Variants in KIF6 observed in about 807,000 individuals in gnomAD.
KIF6 encodes the protein kinesin family member 6, also known as kinesin-like protein KIF6.
KIF6 carries 106 observed loss-of-function variants against 112.7 expected under a neutral mutation model. That is an observed-to-expected ratio of 0.94 (90% CI 0.80 to 1.11). The LOEUF (loss-of-function observed/expected upper bound fraction) is 1.11, where lower values mean the gene tolerates loss of function less well. KIF6 is among the 50% of genes least tolerant of loss of function. KIF6 has a pLI of 0.00. For synonymous variants in KIF6, 339 were observed against 339.9 expected (o/e 1.00, Z 0.03); for missense variants, 929 against 964.0 (o/e 0.96, Z 0.48).
chr6:39,720,883 G>T, intron 1 of KIF6, 72 bp from the exon 2 acceptor site: 1 of 702,430 alleles, frequency 1.4e-6, no homozygotes. Flanking sequence ...ATGTTATTAT[G>T]ACTTGTAATG....
At chr6:39,595,021 C>T (rs942028303) in intron 7 of KIF6, among the ~76,000 whole-genome samples, 6 of 152,036 alleles carry the variant, frequency 3.9e-5, no homozygotes, top group African/African-American at 1.4e-4. Flanking sequence ...AATGTTCTCT[C>T]CCCTGGCATT....
chr6:39,714,010 G>C (rs1296121719), intron 3 of KIF6, among the ~76,000 whole-genome samples: 1 of 152,208 alleles, frequency 6.6e-6, no homozygotes, highest in African/African-American at 2.4e-5. Flanking sequence ...GCATCATCCA[G>C]ATGATTTCAG....
rs572739592 is a variant in KIF6 at position 39,697,242 on chromosome 6, C to T, written c.251+17450G>A. ...TGAGGAAGCCAAGGTAATCAGAGTG[C>T]TCCATGCCTCTAGTGACAGTGATTG... On this transcript the variant is annotated intron_variant, in intron 3 of 22. Coordinates refer to ENST00000287152, the MANE Select transcript of KIF6 (RefSeq NM_145027.6). 5.3e-5 allele frequency among the ~76,000 whole-genome samples: 8 copies of T among 152,254 alleles called. 1 individual carries two copies. In the South Asian group the frequency reaches 1.7e-3, roughly 32 times the overall value.
chr6:39,574,970 C>A (rs1780859049), intron 10 of KIF6, among the ~76,000 whole-genome samples: 1 of 152,058 alleles, frequency 6.6e-6, no homozygotes, highest in African/African-American at 2.4e-5. Flanking sequence ...TTTTTCATTT[C>A]CAAGATTTCC....
chr6:39,707,465 C>A (rs1789285103), intron 3 of KIF6, among the ~76,000 whole-genome samples: 1 of 152,172 alleles, frequency 6.6e-6, no homozygotes, highest in South Asian at 2.1e-4. Flanking sequence ...CCAATCTGGG[C>A]AGGGTGGTTA....
chr6:39,593,130 C>T (rs1196772843), intron 7 of KIF6, among the ~76,000 whole-genome samples: 1 of 152,164 alleles, frequency 6.6e-6, no homozygotes, highest in Admixed American at 6.5e-5. Context: ...ACTTCTCAGT[C>T]ATTCATTTAT....
chr6:39,341,791 C>G (rs1283040782), intron 22 of KIF6, among the ~76,000 whole-genome samples: 3 of 152,096 alleles, frequency 2.0e-5, no homozygotes, highest in African/African-American at 7.2e-5. Flanking sequence ...CAGGAGGTGC[C>G]CTGACTCTCC....
intron 3 of KIF6, among the ~76,000 whole-genome samples, chr6:39,646,009 T>C (rs1258604340): frequency 6.6e-6 from 1 of 151,842 alleles, no homozygotes; most frequent in Non-Finnish European, 1.5e-5. Context: ...TTAGGAGATA[T>C]ACCTAATGTA....
intron 6 of KIF6, among the ~76,000 whole-genome samples, chr6:39,602,337 A>G (rs1344415759): frequency 6.6e-6 from 1 of 152,136 alleles, no homozygotes; most frequent in Non-Finnish European, 1.5e-5. Flanking sequence ...TGGTTAAAGA[A>G]AGTTATTTTT....
intron 13 of KIF6, among the ~76,000 whole-genome samples, chr6:39,466,132 G>A (rs979215336): frequency 2.0e-5 from 3 of 152,198 alleles, no homozygotes; most frequent in African/African-American, 7.2e-5. Context: ...AGGGTCTCAC[G>A]TGTGTAGTGT....
intron 6 of KIF6, among the ~76,000 whole-genome samples, chr6:39,597,166 T>C (rs527828031): frequency 6.6e-6 from 1 of 152,290 alleles, no homozygotes; most frequent in Non-Finnish European, 1.5e-5. Context: ...ATATATTCAA[T>C]GCAATTGAAA....
chr6:39,576,099 G>A (rs1007727393), intron 10 of KIF6, among the ~76,000 whole-genome samples: 3 of 151,970 alleles, frequency 2.0e-5, no homozygotes, highest in East Asian at 1.9e-4. Flanking sequence ...AAACATACAG[G>A]ATACACAGGA....
chr6:39,696,108 T>TAA (rs916592573), intron 3 of KIF6, among the ~76,000 whole-genome samples: 10 of 151,780 alleles, frequency 6.6e-5, no homozygotes, highest in African/African-American at 2.2e-4. Context: ...ATGGGAACAA[T>TAA]AAGCACTGGG....
chr6:39,488,702 A>G (rs1775284858), intron 13 of KIF6, among the ~76,000 whole-genome samples: 1 of 152,240 alleles, frequency 6.6e-6, no homozygotes, highest in Non-Finnish European at 1.5e-5. Flanking sequence ...TTGTCTAGCC[A>G]TGTACATATT....
chr6:39,502,487 C>T (rs932541292), intron 13 of KIF6, among the ~76,000 whole-genome samples: 1 of 152,152 alleles, frequency 6.6e-6, no homozygotes, highest in African/African-American at 2.4e-5. Flanking sequence ...CAAATCCACA[C>T]ATAACAATAC....
At chr6:39,470,578 G>A (rs970981217) in intron 13 of KIF6, among the ~76,000 whole-genome samples, 58 of 152,144 alleles carry the variant, frequency 3.8e-4, no homozygotes, top group Admixed American at 3.5e-3. Flanking sequence ...CATACTCCCC[G>A]GGTGATGTGG....
chr6:39,637,050 A>T (rs563220848), intron 4 of KIF6, among the ~76,000 whole-genome samples: 2 of 152,050 alleles, frequency 1.3e-5, no homozygotes, highest in Non-Finnish European at 2.9e-5. Context: ...TTATTGCTGT[A>T]GTTATTGTTT....
intron 5 of KIF6, among the ~76,000 whole-genome samples, chr6:39,623,221 A>G (rs1276798871): frequency 6.6e-6 from 1 of 152,146 alleles, no homozygotes; most frequent in Admixed American, 6.5e-5. Context: ...ATTTGAATAG[A>G]TAGTGTCATT....
intron 7 of KIF6, among the ~76,000 whole-genome samples, chr6:39,595,153 T>C (rs115265955): frequency 1.5e-3 from 232 of 152,296 alleles, no homozygotes; most frequent in African/African-American, 5.3e-3. Flanking sequence ...ACCAACTAAA[T>C]GAAGTCTCCC....
Sources: gnomAD v4.1 joint callset for allele counts (sites outside exome capture counted in the v4.1 genomes callset) on GRCh38, gnomAD v4.1.1 for gene constraint, MANE v1.5 for transcripts, NCBI Gene and HGNC (gene_info 2026-07-23, HGNC 2026-07-21) for gene names.